SLC28A1: variants seen among roughly 807,000 people sequenced by gnomAD.
The protein encoded by SLC28A1 is sodium/nucleoside cotransporter 1.
Under a neutral mutation model 74.8 loss-of-function variants are expected in SLC28A1, and 64 were observed. That is an observed-to-expected ratio of 0.86 (90% CI 0.70 to 1.05). The LOEUF is 1.05. Ranked by LOEUF, SLC28A1 falls within the 50% of genes least tolerant of loss-of-function variation. The pLI, the probability that SLC28A1 is intolerant of heterozygous loss-of-function variation, is 0.00. For missense variants in SLC28A1, 828 were observed against 822.8 expected (o/e 1.01, Z -0.08); for synonymous variants, 359 against 335.0 (o/e 1.07, Z -0.78).
chr15:84,900,898 G>GGAAGGAAGGAAA (rs1206774229), intron 6 of SLC28A1, among the ~76,000 whole-genome samples: 12 of 151,118 alleles, frequency 7.9e-5, no homozygotes, highest in Non-Finnish European at 1.2e-4. Flanking sequence ...AAGGAAGGAA[G>GGAAGGAAGGAAA]GAAGGAAGGA....
Position 84,888,807 on chromosome 15 carries a change from C to CGCAGAGA in SLC28A1, c.133_139dup (p.Ile47SerfsTer109). ...AGCTCCCTAGGAGTGACTTGAGCCC[C>CGCAGAGA]GCAGAGATCAGGAGCAGCTGGAGCG... On this transcript the variant is annotated frameshift_variant, in exon 4 of 19. Transcript: ENST00000394573. LOFTEE classifies it high-confidence loss of function. 1 of 1,554,896 alleles carries CGCAGAGA rather than the reference C, an allele frequency of 6.4e-7. No homozygotes were observed. The highest frequency in any genetic ancestry group is 8.7e-7 in the Non-Finnish European group (1 of 1,148,920).
Position 84,888,065 on chromosome 15 carries a change from T to C in SLC28A1, c.96+209T>C, listed in dbSNP as rs959281521. On this transcript the variant is annotated intron_variant, in intron 3 of 18. Transcript: ENST00000394573. The stretch of plus-strand genomic sequence containing the variant: ...ACCCCTTTATTTCACTCATTAAACA[T>C]TGACTGAGCACGTACTGTGTGCACT... Among the ~76,000 whole-genome samples the C allele has an allele frequency of 3.9e-5, 6 of 152,152 alleles. No homozygotes were observed. The South Asian group carries it at 6.2e-4, about 16-fold the overall frequency.
chr15:84,970,968 A>AC, the SLC28A1 span, among the ~76,000 whole-genome samples: 1 of 152,230 alleles, frequency 6.6e-6, no homozygotes, highest in African/African-American at 2.4e-5. Flanking sequence ...GCCCCAGTGG[A>AC]ATGCCAATGA....
intron 9 of SLC28A1, among the ~76,000 whole-genome samples, chr15:84,909,924 G>A (rs1022366769): frequency 1.3e-5 from 2 of 152,212 alleles, no homozygotes; most frequent in Non-Finnish European, 2.9e-5. Flanking sequence ...CACCCTGCTG[G>A]GGGTCTTGGA....
the SLC28A1 span, among the ~76,000 whole-genome samples, chr15:84,961,837 A>G: frequency 6.6e-6 from 1 of 152,220 alleles, no homozygotes; most frequent in Non-Finnish European, 1.5e-5. Flanking sequence ...TCACAACGGC[A>G]GCACCTACGA....
intron 2 of SLC28A1, chr15:84,887,251 C>G (rs1964701596): frequency 5.9e-6 from 3 of 509,804 alleles, no homozygotes; most frequent in Non-Finnish European, 7.6e-6. Context: ...GCTAGGTCCT[C>G]TCTTCAGAAA....
chr15:84,909,655 C>T (rs902972426), intron 9 of SLC28A1, among the ~76,000 whole-genome samples: 1 of 152,232 alleles, frequency 6.6e-6, no homozygotes, highest in Non-Finnish European at 1.5e-5. Flanking sequence ...CTGTCTTACA[C>T]TCCAACTGTC....
intron 9 of SLC28A1, 57 bp downstream of exon 9, chr15:84,908,852 C>T: frequency 7.0e-7 from 1 of 1,428,158 alleles, no homozygotes; most frequent in Non-Finnish European, 9.9e-7. Context: ...GCGACTCCAG[C>T]TAGAGGGGAG....
At chr15:84,953,554 A>T in the SLC28A1 span, among the ~76,000 whole-genome samples, 1 of 152,090 alleles carries the variant, frequency 6.6e-6, no homozygotes, top group South Asian at 2.1e-4. Context: ...AGATAGCGAG[A>T]CCTTGTCTCC....
chr15:84,909,578 C>T (rs1261915837), intron 9 of SLC28A1, among the ~76,000 whole-genome samples: 2 of 152,124 alleles, frequency 1.3e-5, no homozygotes, highest in Non-Finnish European at 1.5e-5. Context: ...ATTCTTTTTT[C>T]CCTAGTTCAT....
At chr15:84,938,530 T>A (rs923663140) in intron 15 of SLC28A1, 1 of 152,166 alleles carries the variant, frequency 6.6e-6, no homozygotes, top group African/African-American at 2.4e-5. Context: ...CACTTCATGA[T>A]CTTTTTTTAA....
At chr15:84,913,441 G>A (rs1440504478) in intron 9 of SLC28A1, among the ~76,000 whole-genome samples, 1 of 152,230 alleles carries the variant, frequency 6.6e-6, no homozygotes, top group Non-Finnish European at 1.5e-5. Context: ...CCCAGGTGAT[G>A]AAGTTTGCTC....
At chr15:84,893,069 A>G (rs943760226) in intron 5 of SLC28A1, among the ~76,000 whole-genome samples, 2 of 147,310 alleles carry the variant, frequency 1.4e-5, no homozygotes, top group African/African-American at 5.0e-5. Context: ...GCCTGCCCAG[A>G]CCCCCCCAGC....
intron 11 of SLC28A1, among the ~76,000 whole-genome samples, chr15:84,923,544 A>C (rs1327491353): frequency 6.6e-6 from 1 of 152,110 alleles, no homozygotes; most frequent in Non-Finnish European, 1.5e-5. Flanking sequence ...CCAATGCCCA[A>C]GCTCCTTTCT....
intron 12 of SLC28A1, chr15:84,926,660 TA>T (rs1250294861): frequency 2.5e-6 from 1 of 394,022 alleles, no homozygotes; most frequent in Non-Finnish European, 5.1e-6. Context: ...ATAAGCTGGG[TA>T]AGTTGCCCCA....
At chr15:84,974,647 CT>C in the SLC28A1 span, among the ~76,000 whole-genome samples, 1 of 152,170 alleles carries the variant, frequency 6.6e-6, no homozygotes, top group Non-Finnish European at 1.5e-5. Flanking sequence ...AGGTTTTGCT[CT>C]GTCCTACCCT....
chr15:84,939,086 A>G (rs1972329483), intron 15 of SLC28A1, among the ~76,000 whole-genome samples: 1 of 152,164 alleles, frequency 6.6e-6, no homozygotes, highest in Admixed American at 6.5e-5. Context: ...TTGGGAGGCT[A>G]AGGCAGGAGG....
intron 6 of SLC28A1, among the ~76,000 whole-genome samples, chr15:84,903,070 T>C (rs1479903924): frequency 6.6e-6 from 1 of 151,976 alleles, no homozygotes; most frequent in African/African-American, 2.4e-5. Context: ...TCAAGAGAAA[T>C]AGTAAGTAAA....
the SLC28A1 span, among the ~76,000 whole-genome samples, chr15:84,963,099 T>C: frequency 2.0e-5 from 3 of 152,146 alleles, no homozygotes; most frequent in Non-Finnish European, 4.4e-5. Flanking sequence ...GGAGGGAGAC[T>C]CAACGATATG....
Sources: gnomAD v4.1 joint callset for allele counts (sites outside exome capture counted in the v4.1 genomes callset) on GRCh38, gnomAD v4.1.1 for gene constraint, MANE v1.5 for transcripts, NCBI Gene and HGNC (gene_info 2026-07-23, HGNC 2026-07-21) for gene names.